Variants in PTPRT observed in about 807,000 individuals in gnomAD.
The protein encoded by PTPRT is receptor-type tyrosine-protein phosphatase T.
Under a neutral mutation model 176.8 loss-of-function variants are expected in PTPRT, and 56 were observed. The observed-to-expected ratio is 0.32, with a 90% CI of 0.26 to 0.40. The LOEUF is 0.40. Ranked by LOEUF, PTPRT falls within the 10% of genes least tolerant of loss-of-function variation. The pLI, the probability that PTPRT is intolerant of heterozygous loss-of-function variation, is 1.00. For missense variants in PTPRT, 1,540 were observed against 1,908.2 expected (o/e 0.81, Z 3.60); for synonymous variants, 783 against 739.0 (o/e 1.06, Z -0.96).
At chr20:42,227,233 G>C (rs2056034431) in intron 15 of PTPRT, among the ~76,000 whole-genome samples, 1 of 152,154 alleles carries the variant, frequency 6.6e-6, no homozygotes, top group Non-Finnish European at 1.5e-5. Flanking sequence ...AAGGGAAAAA[G>C]AAAGGGAGTG....
intron 11 of PTPRT, among the ~76,000 whole-genome samples, chr20:42,344,794 C>A (rs996101958): frequency 2.6e-5 from 4 of 152,112 alleles, no homozygotes; most frequent in Non-Finnish European, 5.9e-5. Context: ...TTCACCTGGA[C>A]CCTGCCTGCT....
intron 4 of PTPRT, among the ~76,000 whole-genome samples, chr20:42,773,916 C>T (rs2224706): frequency 0.98 from 149,626 of 152,336 alleles, 73,545 homozygotes; most frequent in East Asian, 1. Context: ...CTGGGATATG[C>T]ACAATTAGCA....
Position 42,155,513 on chromosome 20 carries a change from C to G in PTPRT, c.2682+5839G>C, listed in dbSNP as rs190773403. Among the ~76,000 whole-genome samples, 823 of 152,220 alleles carry G rather than the reference C, an allele frequency of 5.4e-3. 2 individuals are homozygous for G. The highest frequency in any genetic ancestry group is 0.011 in the South Asian group (53 of 4,802). On this transcript the variant is annotated intron_variant, in intron 17 of 30. Coordinates refer to ENST00000373187, the MANE Select transcript of PTPRT (RefSeq NM_007050.6). Reference sequence around the variant, plus strand: ...GGTTATTTGGATCACTTTGACAAACCCCTTTGCTCCCACTGCATAAATGTG... The same window carrying G: ...GGTTATTTGGATCACTTTGACAAACGCCTTTGCTCCCACTGCATAAATGTG...
chr20:42,554,136 A>G (rs1443055593), intron 7 of PTPRT, among the ~76,000 whole-genome samples: 2 of 152,166 alleles, frequency 1.3e-5, no homozygotes, highest in African/African-American at 2.4e-5. Flanking sequence ...AATTGCCTAC[A>G]GAGAGTCCTT....
chr20:42,239,970 G>C (rs764443440), intron 14 of PTPRT, among the ~76,000 whole-genome samples: 1 of 152,148 alleles, frequency 6.6e-6, no homozygotes, highest in Non-Finnish European at 1.5e-5. Context: ...CCTCCATCCT[G>C]AGCTGGATGC....
chr20:42,463,755 T>A (rs1232940167), intron 8 of PTPRT, among the ~76,000 whole-genome samples: 1 of 152,196 alleles, frequency 6.6e-6, no homozygotes, highest in Non-Finnish European at 1.5e-5. Context: ...CCCTTGATAC[T>A]TGTCTATGTC....
At chr20:42,600,835 T>G (rs539171297) in intron 7 of PTPRT, among the ~76,000 whole-genome samples, 8 of 152,304 alleles carry the variant, frequency 5.3e-5, no homozygotes, top group African/African-American at 1.4e-4. Context: ...ATGCAACACA[T>G]TTTCTTTATC....
At chr20:42,556,111 C>G (rs1370675293) in intron 7 of PTPRT, among the ~76,000 whole-genome samples, 3 of 152,210 alleles carry the variant, frequency 2.0e-5, no homozygotes, top group African/African-American at 4.8e-5. Context: ...AAATCTTTCT[C>G]TCTGCGTTTG....
chr20:42,434,243 T>A (rs6030232), intron 9 of PTPRT, among the ~76,000 whole-genome samples: 120,791 of 152,122 alleles, frequency 0.79, 48,261 homozygotes, highest in Admixed American at 0.84. Flanking sequence ...TAAATTATTT[T>A]AAAAATCAAG....
chr20:42,748,817 C>A (rs1449228638), intron 6 of PTPRT, among the ~76,000 whole-genome samples: 2 of 151,962 alleles, frequency 1.3e-5, no homozygotes, highest in Non-Finnish European at 2.9e-5. Flanking sequence ...AAATAACCCC[C>A]TCCTCCACAC....
intron 1 of PTPRT, among the ~76,000 whole-genome samples, chr20:43,105,077 G>C (rs1383760903): frequency 6.6e-6 from 1 of 152,076 alleles, no homozygotes. Flanking sequence ...TCTGAGGTCT[G>C]GAAACACATC....
At chr20:42,478,983 A>G (rs555627904) in intron 7 of PTPRT, among the ~76,000 whole-genome samples, 1 of 152,314 alleles carries the variant, frequency 6.6e-6, no homozygotes, top group Admixed American at 6.5e-5. Flanking sequence ...GGGCAGGGGA[A>G]AAGCAATAAG....
At chr20:42,883,738 A>ACACACC (rs1568658380) in intron 2 of PTPRT, among the ~76,000 whole-genome samples, 8 of 6,730 alleles carry the variant, frequency 1.2e-3, no homozygotes, top group South Asian at 8.3e-3. Context: ...ACCCCCATAC[A>ACACACC]CTCTCACACA....
intron 7 of PTPRT, among the ~76,000 whole-genome samples, chr20:42,672,949 G>A (rs2075438120): frequency 6.6e-6 from 1 of 152,206 alleles, no homozygotes; most frequent in African/African-American, 2.4e-5. Context: ...TGCCACCAGT[G>A]CCTAGCACAG....
intron 25 of PTPRT, among the ~76,000 whole-genome samples, chr20:42,102,799 C>T (rs1986075449): frequency 1.3e-5 from 2 of 152,200 alleles, no homozygotes; most frequent in African/African-American, 4.8e-5. Flanking sequence ...AGATGAGAGA[C>T]CTCCGAGGGG....
chr20:42,451,201 A>G (rs6016800), intron 8 of PTPRT, among the ~76,000 whole-genome samples: 35,634 of 152,088 alleles, frequency 0.23, 4,309 homozygotes, highest in Middle Eastern at 0.34. Flanking sequence ...GGATGGCAAC[A>G]TGGAAGATCA....
At chr20:42,909,398 T>C (rs1054845978) in intron 1 of PTPRT, among the ~76,000 whole-genome samples, 4 of 152,206 alleles carry the variant, frequency 2.6e-5, no homozygotes, top group African/African-American at 9.6e-5. Context: ...AGTGGAATCA[T>C]AATAGTCTTC....
intron 1 of PTPRT, among the ~76,000 whole-genome samples, chr20:42,899,708 A>T (rs922482200): frequency 6.6e-6 from 1 of 152,150 alleles, no homozygotes; most frequent in Non-Finnish European, 1.5e-5. Flanking sequence ...TAGTACTTTA[A>T]CTCTTGAGAG....
chr20:43,079,178 C>G (rs1600697199), intron 1 of PTPRT, among the ~76,000 whole-genome samples: 2 of 13,384 alleles, frequency 1.5e-4, no homozygotes, highest in Middle Eastern at 0.091. Context: ...CTCTCTCCCT[C>G]CCCCCCCCCA....
Sources: allele counts gnomAD v4.1 joint callset (sites outside exome capture counted in the v4.1 genomes callset), GRCh38; gene constraint gnomAD v4.1.1; transcripts MANE v1.5; gene names NCBI Gene and HGNC (gene_info 2026-07-23, HGNC 2026-07-21).